The following IGSF5 variants were observed in gnomAD, a reference collection of about 807,000 sequenced individuals.
The protein encoded by IGSF5 is immunoglobulin superfamily 5 like.
IGSF5 carries 41 observed loss-of-function variants against 39.4 expected under a neutral mutation model. The ratio of observed to expected loss-of-function variants is 1.04; its 90% CI spans 0.81 to 1.35. The LOEUF (loss-of-function observed/expected upper bound fraction) is 1.35, where lower values mean the gene tolerates loss of function less well. Ranked by LOEUF, IGSF5 falls within the 40% of genes most tolerant of loss-of-function variation. The pLI, the probability that IGSF5 is intolerant of heterozygous loss-of-function variation, is 0.00. For synonymous variants in IGSF5, 183 were observed against 175.3 expected (o/e 1.04, Z -0.34); for missense variants, 487 against 494.6 (o/e 0.98, Z 0.15).
intron 6 of IGSF5, among the ~76,000 whole-genome samples, chr21:39,789,300 A>G (rs984498281): frequency 6.6e-6 from 1 of 152,216 alleles, no homozygotes; most frequent in Non-Finnish European, 1.5e-5. Context: ...ACTATAGAAT[A>G]TGACACTGGG....
the IGSF5 span, among the ~76,000 whole-genome samples, chr21:39,724,889 A>G: frequency 2.6e-5 from 4 of 152,334 alleles, no homozygotes; most frequent in South Asian, 4.1e-4. Flanking sequence ...GCAGGAGAGT[A>G]ACGCCTTACA....
chr21:39,778,306 T>C (rs907120981), intron 4 of IGSF5, among the ~76,000 whole-genome samples: 46 of 152,274 alleles, frequency 3.0e-4, no homozygotes, highest in African/African-American at 1.0e-3. Context: ...TAACTTAAAT[T>C]TGAATTTGGA....
chr21:39,744,161 C>G (rs779539125), upstream of IGSF5, among the ~76,000 whole-genome samples: 2 of 152,154 alleles, frequency 1.3e-5, no homozygotes, highest in Non-Finnish European at 2.9e-5. Flanking sequence ...TCCCGCCTTT[C>G]TTGACCACAA....
chr21:39,797,462 G>T (rs374494631), intron 8 of IGSF5, among the ~76,000 whole-genome samples: 130 of 152,124 alleles, frequency 8.5e-4, no homozygotes, highest in African/African-American at 3.0e-3. Flanking sequence ...CAGGTGACCT[G>T]CCCACCTCAG....
the IGSF5 span, among the ~76,000 whole-genome samples, chr21:39,734,981 A>G: frequency 2.0e-5 from 3 of 151,992 alleles, no homozygotes; most frequent in African/African-American, 7.3e-5. Context: ...CTCCTGCTTC[A>G]GCCTCCCAAG....
intron 8 of IGSF5, among the ~76,000 whole-genome samples, chr21:39,799,305 C>T (rs752048418): frequency 3.9e-5 from 6 of 152,160 alleles, no homozygotes; most frequent in South Asian, 2.1e-4. Context: ...GTGCACCCAG[C>T]GCCTATAAAT....
intron 2 of IGSF5, among the ~76,000 whole-genome samples, chr21:39,761,533 C>T (rs2080061636): frequency 6.6e-6 from 1 of 152,124 alleles, no homozygotes. Flanking sequence ...GTCTAATATC[C>T]AGAATCTGCA....
intron 7 of IGSF5, among the ~76,000 whole-genome samples, chr21:39,793,282 A>T (rs466577): frequency 0.43 from 65,212 of 151,922 alleles, 14,562 homozygotes; most frequent in Non-Finnish European, 0.51. Flanking sequence ...TGGATCATTT[A>T]GTGTCTGGGT....
the IGSF5 span, chr21:39,729,637 A>G: frequency 6.6e-6 from 1 of 152,250 alleles, no homozygotes; most frequent in Non-Finnish European, 1.5e-5. Context: ...AATACTGTGA[A>G]AGGAGGAGCA....
At chr21:39,718,930 C>A in the IGSF5 span, among the ~76,000 whole-genome samples, 1 of 152,120 alleles carries the variant, frequency 6.6e-6, no homozygotes, top group East Asian at 1.9e-4. Context: ...GTGGTACCAG[C>A]TCTTCTTTGT....
upstream of IGSF5, among the ~76,000 whole-genome samples, chr21:39,745,167 C>CTCTCTCTCTCCATCTCTCTCTCTCCGTG (rs1484032194): frequency 1.3e-5 from 2 of 151,522 alleles, no homozygotes; most frequent in East Asian, 3.9e-4. Context: ...ATCTCTCTCT[C>CTCTCTCTCTCCATCTCTCTCTCTCCGTG]TCTCTCTCCA....
intron 8 of IGSF5, among the ~76,000 whole-genome samples, chr21:39,796,073 A>G (rs2086994646): frequency 6.6e-6 from 1 of 152,162 alleles, no homozygotes; most frequent in African/African-American, 2.4e-5. Context: ...GAGAGCCTGG[A>G]TGCAGGATGT....
intron 3 of IGSF5, among the ~76,000 whole-genome samples, chr21:39,767,119 C>T (rs574416317): frequency 3.3e-5 from 5 of 152,088 alleles, no homozygotes; most frequent in African/African-American, 1.2e-4. Flanking sequence ...TGTTGCATAA[C>T]CAGATTCTTA....
At chr21:39,786,811 A>G (rs1490735366) in intron 5 of IGSF5, among the ~76,000 whole-genome samples, 1 of 152,228 alleles carries the variant, frequency 6.6e-6, no homozygotes, top group Non-Finnish European at 1.5e-5. Flanking sequence ...CTTTGTAGGG[A>G]CATGGATGAA....
At chr21:39,761,195 C>A (rs937984182) in intron 2 of IGSF5, among the ~76,000 whole-genome samples, 1 of 152,216 alleles carries the variant, frequency 6.6e-6, no homozygotes, top group African/African-American at 2.4e-5. Flanking sequence ...GGATAACCAG[C>A]TAGCCAAATG....
chr21:39,796,051 G>A (rs990725109), intron 8 of IGSF5, among the ~76,000 whole-genome samples: 3 of 152,252 alleles, frequency 2.0e-5, no homozygotes, highest in Non-Finnish European at 2.9e-5. Flanking sequence ...CGGCCTCCAC[G>A]TTGCCCATTT....
chr21:39,727,463 C>G, the IGSF5 span, among the ~76,000 whole-genome samples: 4 of 152,294 alleles, frequency 2.6e-5, 1 homozygote, highest in Admixed American at 2.6e-4. Context: ...GCTTCCAAGT[C>G]TGGGGATAAT....
upstream of IGSF5, among the ~76,000 whole-genome samples, chr21:39,743,506 C>T (rs1057127284): frequency 3.9e-5 from 6 of 152,182 alleles, no homozygotes; most frequent in South Asian, 2.1e-4. Flanking sequence ...CTCCTCCTCC[C>T]GCTGCTTGGA....
At chr21:39,735,838 C>T in the IGSF5 span, among the ~76,000 whole-genome samples, 1 of 152,182 alleles carries the variant, frequency 6.6e-6, no homozygotes, top group Non-Finnish European at 1.5e-5. Flanking sequence ...AAACTATCTG[C>T]TTGCTCTCAT....
Sources: allele counts gnomAD v4.1 joint callset (sites outside exome capture counted in the v4.1 genomes callset), GRCh38; gene constraint gnomAD v4.1.1; transcripts MANE v1.5; gene names NCBI Gene and HGNC (gene_info 2026-07-23, HGNC 2026-07-21).